The following STS variants were observed in gnomAD, a reference collection of about 807,000 sequenced individuals.
The protein encoded by STS is steroid sulfatase.
STS carries 7 observed loss-of-function variants against 26.8 expected under a neutral mutation model. That is an observed-to-expected ratio of 0.26 (90% CI 0.15 to 0.49). The LOEUF (loss-of-function observed/expected upper bound fraction) is 0.49, where lower values mean the gene tolerates loss of function less well. Among genes scored for constraint, STS ranks in the 20% least tolerant of loss-of-function variants. STS has a pLI of 0.98. For missense variants in STS, 434 were observed against 465.6 expected, an observed-to-expected ratio of 0.93 and a Z score of 0.63; for synonymous variants, 199 against 189.4, an observed-to-expected ratio of 1.05 and a Z score of -0.42.
At chrX:7,321,003 CAA>C (rs1392537073) in intron 8 of STS, among the ~76,000 whole-genome samples, 7 of 111,074 alleles carry the variant, frequency 6.3e-5, no homozygotes, top group African/African-American at 2.3e-4. Context: ...TTCACAATAG[CAA>C]AGACATGGAG....
rs766740450 is a variant in STS, at chrX:7,350,057, T to G, written c.1533T>G (p.Thr511=). 3.3e-6 allele frequency: 4 copies of G among 1,211,552 alleles called. No homozygotes were observed. The East Asian group carries it at 1.2e-4, about 36-fold the overall frequency. Reference sequence around the variant, plus strand: ...ATCCCAGAGAGAGAAACCCACTAACTCCAGCATCCGAGCCCCGGTTTTATG... The same window carrying G: ...ATCCCAGAGAGAGAAACCCACTAACGCCAGCATCCGAGCCCCGGTTTTATG... ...SKDPRERNPL[T]PASEPRFYEI... The change falls in exon 11 of 11, where the codon ACT becomes ACG. Residue 511 remains threonine (T), a synonymous_variant. Coordinates refer to ENST00000674429, the MANE Select transcript of STS (RefSeq NM_001320752.2).
chrX:7,256,900 T>G (rs1386836946), intron 3 of STS, among the ~76,000 whole-genome samples: 6 of 112,114 alleles, frequency 5.4e-5, no homozygotes, highest in Admixed American at 9.5e-5. Flanking sequence ...ACCCCAGACT[T>G]GCCTTTGCTC....
chrX:7,334,224 A>C (rs749398026), intron 10 of STS, 117 bp downstream of exon 10: 10 of 995,268 alleles, frequency 1.0e-5, no homozygotes, highest in Non-Finnish European at 1.4e-5. Flanking sequence ...AGGTGCCTCA[A>C]TGTGCGCCCA....
At chrX:7,166,545 C>T (rs1409188867) in intron 1 of STS, among the ~76,000 whole-genome samples, 1 of 111,671 alleles carries the variant, frequency 9.0e-6, no homozygotes, top group Non-Finnish European at 1.9e-5. Context: ...TTACATGATA[C>T]TAAGTAGACA....
chrX:7,181,000 G>T (rs1449802743), intron 1 of STS, among the ~76,000 whole-genome samples: 1 of 112,088 alleles, frequency 8.9e-6, no homozygotes, highest in African/African-American at 3.2e-5. Context: ...TCTTAAGGAA[G>T]GCAATGTTTA....
Position 7,305,188 on chromosome X carries a change from G to A in STS, c.1081+5G>A, listed in dbSNP as rs1191463191. ...GAAGTAATGGGATCTATAAAGGTGA[G>A]AAATGCTGGGATGGAGAAGCTCTGG... On this transcript the variant is annotated splice_donor_5th_base_variant and intron_variant, in intron 8 of 10. Transcript: ENST00000674429. The A allele has an allele frequency of 1.7e-6, 2 of 1,207,886 alleles. No individual in the cohort carries two copies. Among genetic ancestry groups the A allele is most frequent in the African/African-American group, 3.5e-5 (2 of 57,072 alleles).
chrX:7,299,026 AT>A (rs10717604), intron 7 of STS, among the ~76,000 whole-genome samples: 30,903 of 80,261 alleles, frequency 0.39, 4,280 homozygotes, highest in Middle Eastern at 0.5. Context: ...ATATAAATAT[AT>A]TTTATTTATA....
chrX:7,230,151 G>A (rs1921997046), intron 2 of STS, among the ~76,000 whole-genome samples: 1 of 111,106 alleles, frequency 9.0e-6, no homozygotes, highest in African/African-American at 3.3e-5. Context: ...GCCCCCCAAA[G>A]TGCTGGGATT....
In STS at chrX:7,352,422, A is replaced by G. The variant is rs1411821685; in HGVS notation, c.*2161A>G. On this transcript the variant is annotated 3_prime_UTR_variant, in exon 11 of 11. Transcript: ENST00000674429. ...ATACATTGAGTTTAAAAGTGCCTCA[A>G]AATAATTGAGATCACATTTCAGGAC... 8.9e-6 allele frequency: 1 copy of G among 112,524 alleles called. No individual in the cohort carries two copies. The highest frequency in any genetic ancestry group is 3.2e-5 in the African/African-American group (1 of 31,015). 9.3% of individuals were successfully genotyped at this position (112,524 alleles called of 1,213,427 possible).
At position 7,259,643 on chromosome X, in the gene STS, T is replaced by G; in HGVS notation, c.677T>G (p.Leu226Trp). ...FLAALILTLF[L>W]GFLHYFRPLN... ...GCAGCCCTAATCCTGACCCTTTTCT[T>G]GGGCTTCCTTCATTACTTCCGGCCC... Residue 226 changes from leucine to tryptophan, a missense_variant, in exon 6 of 11, where the codon TTG becomes TGG. Transcript: ENST00000674429. The G allele has an allele frequency of 1.7e-6, 2 of 1,211,284 alleles. No homozygotes were observed. The highest frequency in any genetic ancestry group is 2.2e-6 in the Non-Finnish European group (2 of 895,376).
intron 2 of STS, chrX:7,252,113 T>G (rs1342349955): frequency 7.7e-6 from 1 of 130,177 alleles, no homozygotes; most frequent in African/African-American, 3.3e-5. Context: ...TCATAAAATT[T>G]CTCCCCGGGC....
intron 7 of STS, among the ~76,000 whole-genome samples, chrX:7,282,121 T>C (rs763157763): frequency 1.2e-4 from 13 of 112,613 alleles, no homozygotes; most frequent in Admixed American, 9.4e-5. Context: ...GTATACCATA[T>C]TGAGGTTACA....
intron 10 of STS, among the ~76,000 whole-genome samples, chrX:7,340,684 A>G (rs1394010138): frequency 1.8e-5 from 2 of 112,288 alleles, no homozygotes; most frequent in Non-Finnish European, 3.8e-5. Context: ...ACAGTAGTTT[A>G]CATTAGAGAG....
At chrX:7,282,464 G>T (rs1232029617) in intron 7 of STS, among the ~76,000 whole-genome samples, 1 of 112,260 alleles carries the variant, frequency 8.9e-6, no homozygotes, top group East Asian at 2.8e-4. Flanking sequence ...GCCTCCCAAG[G>T]TGCTAGGATT....
chrX:7,192,159 T>G (rs1933885900), intron 2 of STS, among the ~76,000 whole-genome samples: 1 of 111,655 alleles, frequency 9.0e-6, no homozygotes, highest in Non-Finnish European at 1.9e-5. Context: ...GTGAAGAGAC[T>G]CCCAAAGTCA....
At chrX:7,240,051 A>AT (rs1569198320) in intron 2 of STS, among the ~76,000 whole-genome samples, 2 of 109,047 alleles carry the variant, frequency 1.8e-5, no homozygotes. Flanking sequence ...CGCCCGGCAG[A>AT]TTTTTTGTAC....
At chrX:7,289,603 G>T (rs1925311788) in intron 7 of STS, among the ~76,000 whole-genome samples, 1 of 111,517 alleles carries the variant, frequency 9.0e-6, no homozygotes, top group Non-Finnish European at 1.9e-5. Flanking sequence ...TCTGTATCCA[G>T]GTGTACAGCC....
At position 7,352,251 on chromosome X, in the gene STS, C is replaced by T. The variant is rs1267375294; in HGVS notation, c.*1990C>T. 6 of 112,344 alleles carry T rather than the reference C, an allele frequency of 5.3e-5. No individual in the cohort carries two copies. The highest frequency in any genetic ancestry group is 1.1e-4 in the Non-Finnish European group (6 of 53,305). The allele number at this position is 112,344 out of a possible 1,213,427, so 9.3% of individuals were successfully genotyped here. On this transcript the variant is annotated 3_prime_UTR_variant, in exon 11 of 11. Coordinates refer to ENST00000674429, the MANE Select transcript of STS (RefSeq NM_001320752.2). ...CAATGCAAGTAAGACTTTCTGAAAA[C>T]ACTTGATGATGTGGAAATGCTGCAG...
At chrX:7,197,605 A>G (rs948232065) in intron 2 of STS, among the ~76,000 whole-genome samples, 3 of 112,425 alleles carry the variant, frequency 2.7e-5, no homozygotes, top group South Asian at 3.7e-4. Flanking sequence ...CTTAATTGCT[A>G]TATTTTACAA....
Sources: allele counts gnomAD v4.1 joint callset (sites outside exome capture counted in the v4.1 genomes callset), GRCh38; gene constraint gnomAD v4.1.1; transcripts MANE v1.5; gene names NCBI Gene and HGNC (gene_info 2026-07-23, HGNC 2026-07-21).